PAM: variants seen among roughly 807,000 people sequenced by gnomAD.
PAM encodes the protein peptidyl-glycine alpha-amidating monooxygenase.
In PAM, 72 loss-of-function variants were observed where a neutral mutation model predicts 122.1. That is an observed-to-expected ratio of 0.59 (90% CI 0.49 to 0.72). The LOEUF is 0.72. Among genes scored for constraint, PAM ranks in the 30% least tolerant of loss-of-function variants. PAM has a pLI of 0.00. For missense variants in PAM, 1,106 were observed against 1,183.7 expected (o/e 0.93, Z 0.96); for synonymous variants, 389 against 404.4 (o/e 0.96, Z 0.46).
chr5:103,003,036 G>A lies in PAM; in HGVS notation c.1617G>A (p.Ser539=), dbSNP rs760101423. 3.0e-5 allele frequency: 45 copies of A among 1,512,846 alleles called. No individual in the cohort carries two copies. The highest frequency in any genetic ancestry group is 1.7e-4 in the Middle Eastern group (1 of 5,898). The allele number at this position is 1,512,846 out of a possible 1,614,324, so 93.7% of individuals were successfully genotyped here. ...HRGDHVWDGN[S]FDSKFVYQQI... ...CTATTTAATGCTTTTTGTTTAGCTC[G>A]TTTGACAGCAAGTTTGTTTACCAGC... Residue 539 remains serine, a synonymous_variant, in exon 17 of 26, where the codon TCG becomes TCA. Transcript: ENST00000438793.
intron 2 of PAM, 97 bp from the exon 3 acceptor site, chr5:102,867,176 T>G: frequency 1.3e-6 from 1 of 759,482 alleles, no homozygotes; most frequent in Non-Finnish European, 2.2e-6. Context: ...TTTAAATCAA[T>G]CATCTTTAAG....
At chr5:102,774,654 T>A (rs154634) in intron 1 of PAM, among the ~76,000 whole-genome samples, 67,690 of 151,804 alleles carry the variant, frequency 0.45, 15,513 homozygotes, top group African/African-American at 0.55. Context: ...AACATCTTAA[T>A]TTTTTTATTC....
chr5:102,784,585 G>A (rs966756854), intron 1 of PAM, among the ~76,000 whole-genome samples: 1 of 152,128 alleles, frequency 6.6e-6, no homozygotes, highest in African/African-American at 2.4e-5. Context: ...TATCTAACCA[G>A]ATATTCCCAG....
chr5:102,835,640 C>T (rs986798024), intron 1 of PAM, among the ~76,000 whole-genome samples: 3 of 151,334 alleles, frequency 2.0e-5, no homozygotes, highest in African/African-American at 7.3e-5. Flanking sequence ...TACAGGGTTG[C>T]CTTATACATG....
At chr5:102,852,695 C>T (rs888498194) in intron 1 of PAM, among the ~76,000 whole-genome samples, 8 of 152,042 alleles carry the variant, frequency 5.3e-5, no homozygotes, top group African/African-American at 1.2e-4. Flanking sequence ...AAAATTTATG[C>T]ATATATGCTG....
chr5:102,968,877 G>A (rs1332468710), intron 14 of PAM, among the ~76,000 whole-genome samples: 1 of 152,102 alleles, frequency 6.6e-6, no homozygotes, highest in African/African-American at 2.4e-5. Flanking sequence ...AAGAAAATGT[G>A]GCACATATAC....
At chr5:102,851,476 A>T (rs762749335) in intron 1 of PAM, among the ~76,000 whole-genome samples, 6 of 152,176 alleles carry the variant, frequency 3.9e-5, no homozygotes, top group Non-Finnish European at 8.8e-5. Flanking sequence ...GGGAAAATTT[A>T]TCATAAATTT....
intron 14 of PAM, among the ~76,000 whole-genome samples, chr5:102,972,184 T>G (rs2150409397): frequency 6.6e-6 from 1 of 152,284 alleles, no homozygotes; most frequent in East Asian, 1.9e-4. Context: ...GAGGTTGCAG[T>G]GAGCCAAGAT....
chr5:102,854,422 G>A (rs1351194413), intron 1 of PAM, among the ~76,000 whole-genome samples: 3 of 151,936 alleles, frequency 2.0e-5, no homozygotes, highest in East Asian at 1.9e-4. Flanking sequence ...ATTTTTCTGC[G>A]ACTTAAAAAC....
chr5:102,790,420 C>A (rs1232810126), intron 1 of PAM, among the ~76,000 whole-genome samples: 2 of 152,166 alleles, frequency 1.3e-5, no homozygotes, highest in Middle Eastern at 3.4e-3. Flanking sequence ...GAGATCACAG[C>A]AGAGCTTGTA....
At chr5:102,835,605 A>T (rs986182104) in intron 1 of PAM, among the ~76,000 whole-genome samples, 2 of 152,086 alleles carry the variant, frequency 1.3e-5, no homozygotes, top group Non-Finnish European at 2.9e-5. Context: ...AAAATACTTA[A>T]TTTTTGCTGA....
intron 1 of PAM, among the ~76,000 whole-genome samples, chr5:102,821,199 A>C (rs900024092): frequency 6.6e-6 from 1 of 152,212 alleles, no homozygotes; most frequent in Non-Finnish European, 1.5e-5. Flanking sequence ...AAGAGTTTTA[A>C]CCTTCTTTAA....
chr5:102,864,920 T>A (rs1196713665), intron 1 of PAM, among the ~76,000 whole-genome samples: 1 of 152,256 alleles, frequency 6.6e-6, no homozygotes, highest in African/African-American at 2.4e-5. Flanking sequence ...TTTTCAAGTT[T>A]AACCTAGTTG....
chr5:102,920,797 AT>A (rs764728307), intron 5 of PAM, among the ~76,000 whole-genome samples: 2,901 of 143,866 alleles, frequency 0.02, 33 homozygotes, highest in Non-Finnish European at 0.026. Flanking sequence ...GGGCATGACA[AT>A]TTTTTTTTTT....
chr5:102,982,375 G>A (rs1307749136), intron 15 of PAM, among the ~76,000 whole-genome samples: 1 of 152,042 alleles, frequency 6.6e-6, no homozygotes, highest in African/African-American at 2.4e-5. Context: ...TGGGCCCAAG[G>A]ACCTAACTGC....
chr5:102,799,397 C>CA (rs1295380889), intron 1 of PAM, among the ~76,000 whole-genome samples: 1 of 152,032 alleles, frequency 6.6e-6, no homozygotes, highest in Non-Finnish European at 1.5e-5. Context: ...TAGGGAGATA[C>CA]AAAAAAGGAG....
At chr5:102,916,810 G>A (rs1243358725) in intron 5 of PAM, among the ~76,000 whole-genome samples, 2 of 150,360 alleles carry the variant, frequency 1.3e-5, no homozygotes, top group Non-Finnish European at 3.0e-5. Context: ...TCAGCTCACT[G>A]CAACCTCCAC....
intron 1 of PAM, among the ~76,000 whole-genome samples, chr5:102,792,159 A>G (rs567081857): frequency 9.9e-5 from 15 of 152,276 alleles, no homozygotes; most frequent in African/African-American, 3.4e-4. Flanking sequence ...CATGGTATGT[A>G]TGGAATTTAG....
At chr5:102,796,563 C>T (rs1383917028) in intron 1 of PAM, among the ~76,000 whole-genome samples, 1 of 152,030 alleles carries the variant, frequency 6.6e-6, no homozygotes, top group East Asian at 1.9e-4. Context: ...TTTTGAGCAC[C>T]ACAGTCAGCC....
Sources: allele counts gnomAD v4.1 joint callset (sites outside exome capture counted in the v4.1 genomes callset), GRCh38; gene constraint gnomAD v4.1.1; transcripts MANE v1.5; gene names NCBI Gene and HGNC (gene_info 2026-07-23, HGNC 2026-07-21).